GSE1: variants seen among roughly 807,000 people sequenced by gnomAD.
The protein encoded by GSE1 is Gse1 coiled-coil protein.
A neutral mutation model predicts 112.6 loss-of-function variants in GSE1; 32 were observed. That is an observed-to-expected ratio of 0.28 (90% CI 0.21 to 0.38). The LOEUF (loss-of-function observed/expected upper bound fraction) is 0.38. GSE1 is among the 10% of genes least tolerant of loss of function. GSE1 has a pLI of 1.00. For synonymous variants in GSE1, 1,115 were observed against 735.6 expected (o/e 1.52, Z -8.35); for missense variants, 2,348 against 1,699.2 (o/e 1.38, Z -6.71).
chr16:85,234,950 C>T (rs540369625), intron 1 of GSE1, among the ~76,000 whole-genome samples: 3 of 152,214 alleles, frequency 2.0e-5, no homozygotes, highest in African/African-American at 7.2e-5. Context: ...CCCTGGGCCC[C>T]GCCGGAGACC....
intron 1 of GSE1, among the ~76,000 whole-genome samples, chr16:85,246,448 CACACACACACA>C (rs1905802842): frequency 7.2e-6 from 1 of 138,906 alleles, no homozygotes. Flanking sequence ...CACACACACA[CACACACACACA>C]CCCCACACGC....
chr16:85,661,855 C>T, intron 9 of GSE1, 90 bp downstream of exon 9: 1 of 1,297,180 alleles, frequency 7.7e-7, no homozygotes, highest in South Asian at 1.6e-5. Flanking sequence ...CCCTCTCCGT[C>T]CACTCCTGCT....
In GSE1 at chr16:85,673,242, C is replaced by T. The variant is rs1270941983; in HGVS notation, c.*703C>T. 1 of 152,378 alleles carries T rather than the reference C, an allele frequency of 6.6e-6. No homozygotes were observed. The highest frequency in any genetic ancestry group is 1.5e-5 in the Non-Finnish European group (1 of 68,030). The allele number at this position is 152,378 out of a possible 1,614,324, so 9.4% of individuals were successfully genotyped here. The stretch of plus-strand genomic sequence containing the variant: ...CTGTGTATACACAGCTTCACACCCA[C>T]CAGATTGTTACTACAGTGGGTTGGG... On this transcript the variant is annotated 3_prime_UTR_variant, in exon 16 of 16. Transcript: ENST00000253458.
chr16:85,370,332 C>T (rs912599512), intron 2 of GSE1, among the ~76,000 whole-genome samples: 2 of 152,182 alleles, frequency 1.3e-5, no homozygotes, highest in African/African-American at 4.8e-5. Flanking sequence ...GGGCGTCCCT[C>T]TGCCTCTGCC....
intron 2 of GSE1, among the ~76,000 whole-genome samples, chr16:85,648,097 C>T (rs2151869154): frequency 6.6e-6 from 1 of 151,994 alleles, no homozygotes. Context: ...GCCTGTGTGT[C>T]CTGGGATGTC....
chr16:85,457,044 C>T (rs2049847710), intron 2 of GSE1, among the ~76,000 whole-genome samples: 1 of 152,222 alleles, frequency 6.6e-6, no homozygotes, highest in African/African-American at 2.4e-5. Flanking sequence ...AAATGAACCT[C>T]AGCAGTAGGC....
intron 2 of GSE1, among the ~76,000 whole-genome samples, chr16:85,637,805 G>A (rs2050128200): frequency 6.6e-6 from 1 of 151,836 alleles, no homozygotes; most frequent in Non-Finnish European, 1.5e-5. Context: ...GGGTCCCTCT[G>A]GTGCCTGCCA....
intron 1 of GSE1, among the ~76,000 whole-genome samples, chr16:85,215,023 A>G (rs2075286027): frequency 6.6e-6 from 1 of 152,222 alleles, no homozygotes; most frequent in African/African-American, 2.4e-5. Flanking sequence ...TAGAGTGCCC[A>G]GAGAAGAAAG....
rs758180413 is a variant in GSE1, at chr16:85,655,891, G to A, written c.963G>A (p.Glu321=). The part of the protein sequence containing the change: ...SHSSLAALHS[E]RMSGLSAERL... Reference sequence around the variant, plus strand: ...CATCCCTGGCAGCGCTGCACTCGGAGCGCATGTCTGGCCTCAGCGCGGAGA... The same window carrying A: ...CATCCCTGGCAGCGCTGCACTCGGAACGCATGTCTGGCCTCAGCGCGGAGA... The change falls in exon 6 of 16, where the codon GAG becomes GAA. Residue 321 remains glutamate, a synonymous_variant. Transcript: ENST00000253458. The A allele has an allele frequency of 1.9e-6, 3 of 1,605,970 alleles. No homozygotes were observed. Among genetic ancestry groups the A allele is most frequent in the Non-Finnish European group, 2.5e-6 (3 of 1,179,798 alleles).
In GSE1 at chr16:85,505,430, G is replaced by C. The variant is rs551356603; in HGVS notation, c.2465-128484G>C. Among the ~76,000 whole-genome samples, 5 of 152,276 alleles carry C rather than the reference G, an allele frequency of 3.3e-5. No individual in the cohort carries two copies. In the South Asian group the frequency reaches 6.2e-4, roughly 19 times the overall value. On this transcript the variant is annotated intron_variant, in intron 2 of 2. Transcript: ENST00000637419. ...TGCCTGTCACTCTGCCTGGGGGCTG[G>C]GGAGGGTCACAGAAGATGGTCCTTA...
chr16:85,331,245 C>T (rs377742508), intron 1 of GSE1, among the ~76,000 whole-genome samples: 2 of 150,164 alleles, frequency 1.3e-5, no homozygotes, highest in South Asian at 2.1e-4. Flanking sequence ...CTCCACCTCC[C>T]GAGTTCAAGC....
At chr16:85,379,316 T>A (rs1443177644) in intron 2 of GSE1, among the ~76,000 whole-genome samples, 1 of 152,208 alleles carries the variant, frequency 6.6e-6, no homozygotes, top group African/African-American at 2.4e-5. Flanking sequence ...AGAGTTTCCA[T>A]CCGTTTTGCT....
At position 85,633,910 on chromosome 16, in the gene GSE1, T is replaced by G. The variant is rs771803711; in HGVS notation, c.8-4T>G. On this transcript the variant is annotated splice_polypyrimidine_tract_variant and splice_region_variant and intron_variant, in intron 1 of 15. Coordinates refer to ENST00000253458, the MANE Select transcript of GSE1 (RefSeq NM_014615.5). ...GACCTCTGGTTCTTCTTTTCCTGTT[T>G]CAGGCATGAGCCATGAGCCCAAGTC... The G allele has an allele frequency of 3.7e-6, 6 of 1,606,734 alleles. No homozygotes were observed. Among genetic ancestry groups the G allele is most frequent in the Non-Finnish European group, 5.1e-6 (6 of 1,176,550 alleles).
exon 1 of GSE1, chr16:85,170,881 G>C (rs1264346334): frequency 3.0e-6 from 3 of 985,552 alleles, no homozygotes; most frequent in Non-Finnish European, 3.6e-6. Flanking sequence ...GGTGCCCCTG[G>C]ACAGCCACGC....
chr16:85,626,836 G>T (rs1476908338), intron 1 of GSE1, among the ~76,000 whole-genome samples: 2 of 152,014 alleles, frequency 1.3e-5, no homozygotes, highest in Admixed American at 1.3e-4. Flanking sequence ...TGGGGAGGGG[G>T]AGCGAGGAAT....
intron 2 of GSE1, among the ~76,000 whole-genome samples, chr16:85,640,456 C>T (rs567791347): frequency 7.2e-5 from 11 of 152,336 alleles, no homozygotes; most frequent in South Asian, 2.1e-4. Context: ...GGCCCTGTGC[C>T]GCCTTCCCCT....
At chr16:85,314,103 C>CTGTGTG (rs149950349) in intron 1 of GSE1, among the ~76,000 whole-genome samples, 2 of 150,216 alleles carry the variant, frequency 1.3e-5, no homozygotes, top group Admixed American at 6.6e-5. Context: ...TGACACAGCT[C>CTGTGTG]TGTGTGTGTG....
intron 2 of GSE1, among the ~76,000 whole-genome samples, chr16:85,637,782 C>G (rs1021321381): frequency 2.0e-5 from 3 of 151,614 alleles, no homozygotes; most frequent in South Asian, 4.2e-4. Flanking sequence ...AAAGCCACAC[C>G]TGCCGGGGAG....
At chr16:85,385,637 G>A (rs565299869) in intron 2 of GSE1, among the ~76,000 whole-genome samples, 3 of 152,328 alleles carry the variant, frequency 2.0e-5, no homozygotes, top group Admixed American at 1.3e-4. Flanking sequence ...GCTGCTGACA[G>A]ATGGTCATGA....
Sources: allele counts gnomAD v4.1 joint callset (sites outside exome capture counted in the v4.1 genomes callset), GRCh38; gene constraint gnomAD v4.1.1; transcripts MANE v1.5; gene names NCBI Gene and HGNC (gene_info 2026-07-23, HGNC 2026-07-21).